Variants in PDE11A observed in about 807,000 individuals in gnomAD.
The protein encoded by PDE11A is phosphodiesterase 11A, also known as dual 3',5'-cyclic-AMP and -GMP phosphodiesterase 11A.
Under a neutral mutation model 100.5 loss-of-function variants are expected in PDE11A, and 100 were observed. The observed-to-expected ratio is 1.00, with a 90% CI of 0.85 to 1.18. The LOEUF (loss-of-function observed/expected upper bound fraction) is 1.18, where lower values mean the gene tolerates loss of function less well. Ranked by LOEUF, PDE11A falls within the 50% of genes most tolerant of loss-of-function variation. The pLI, the probability that PDE11A is intolerant of heterozygous loss-of-function variation, is 0.00. For synonymous variants in PDE11A, 381 were observed against 420.8 expected, an observed-to-expected ratio of 0.91 and a Z score of 1.16; for missense variants, 1,141 against 1,152.6, an observed-to-expected ratio of 0.99 and a Z score of 0.15.
intron 2 of PDE11A, among the ~76,000 whole-genome samples, chr2:178,079,136 C>T (rs1295664788): frequency 2.0e-5 from 3 of 152,156 alleles, no homozygotes; most frequent in Non-Finnish European, 4.4e-5. Flanking sequence ...AAAAATTCAA[C>T]AACAGATTCT....
chr2:177,887,233 C>T (rs1427423719), intron 4 of PDE11A, among the ~76,000 whole-genome samples: 4 of 152,112 alleles, frequency 2.6e-5, no homozygotes, highest in African/African-American at 4.8e-5. Flanking sequence ...CAGCTGCAAT[C>T]CCAAATTCAA....
At chr2:177,908,223 A>G (rs1459805463) in intron 2 of PDE11A, among the ~76,000 whole-genome samples, 2 of 152,238 alleles carry the variant, frequency 1.3e-5, no homozygotes, top group Non-Finnish European at 2.9e-5. Flanking sequence ...CTAGCACTCC[A>G]TTATTCCAGT....
chr2:177,958,892 T>A (rs2085597643), intron 2 of PDE11A, among the ~76,000 whole-genome samples: 1 of 152,192 alleles, frequency 6.6e-6, no homozygotes, highest in Non-Finnish European at 1.5e-5. Flanking sequence ...ATTGACTAAT[T>A]GAACAAAATT....
chr2:178,051,727 AAC>A (rs908197477), intron 1 of PDE11A, among the ~76,000 whole-genome samples: 17 of 152,216 alleles, frequency 1.1e-4, no homozygotes, highest in Non-Finnish European at 2.1e-4. Context: ...TCTCTGATAA[AAC>A]AGACTTTAAA....
chr2:177,716,846 AT>A (rs2081444734), intron 12 of PDE11A, among the ~76,000 whole-genome samples: 2 of 152,216 alleles, frequency 1.3e-5, no homozygotes, highest in African/African-American at 4.8e-5. Context: ...ATCAAATGCC[AT>A]CTAATAGATT....
chr2:178,064,942 T>C (rs1398674705), intron 1 of PDE11A, among the ~76,000 whole-genome samples: 1 of 152,122 alleles, frequency 6.6e-6, no homozygotes, highest in Non-Finnish European at 1.5e-5. Context: ...CATTAATATA[T>C]GAAACCACTG....
At chr2:178,055,864 C>T (rs569867328) in intron 1 of PDE11A, among the ~76,000 whole-genome samples, 3 of 151,960 alleles carry the variant, frequency 2.0e-5, no homozygotes, top group South Asian at 4.2e-4. Flanking sequence ...GAAATGCATT[C>T]GTAATAAATG....
rs139916716 is a variant in PDE11A at position 177,711,834 on chromosome 2, C to T, written c.2088G>A (p.Ala696=). The change falls in exon 13 of 20, where the codon GCG becomes GCA. Residue 696 remains alanine, a synonymous_variant. Coordinates refer to ENST00000286063, the MANE Select transcript of PDE11A (RefSeq NM_016953.4). ...QDILTEVEIL[A]VIVGCLCHDL... ...CATGACACAGGCATCCCACAATCAC[C>T]GCTAAAATTTCCACCTCGGTCAGAA... 1.1e-4 allele frequency: 171 copies of T among 1,613,128 alleles called. 1 individual carries two copies. The highest frequency in any genetic ancestry group is 2.1e-4 in the South Asian group (19 of 91,056).
rs1192686336 is a variant in PDE11A, at chr2:177,658,985, A to G, written c.2646+4881T>C. Reference sequence around the variant, plus strand: ...TTAAAAGTGAAGGCAGAGGCTGGGCATGGTGGCTCACACCTATAATCCCAG... The same window carrying G: ...TTAAAAGTGAAGGCAGAGGCTGGGCGTGGTGGCTCACACCTATAATCCCAG... On this transcript the variant is annotated intron_variant, in intron 19 of 19. Transcript: ENST00000286063. Among the ~76,000 whole-genome samples, 6 of 152,162 alleles carry G rather than the reference A, an allele frequency of 3.9e-5. No individual in the cohort carries two copies. The East Asian group carries it at 1.2e-3, about 29-fold the overall frequency.
At chr2:177,824,082 C>G (rs1449034667) in intron 6 of PDE11A, among the ~76,000 whole-genome samples, 1 of 152,068 alleles carries the variant, frequency 6.6e-6, no homozygotes, top group Non-Finnish European at 1.5e-5. Context: ...TAAAGTACTA[C>G]AGTTCCCCAA....
Position 178,072,027 on chromosome 2 carries a change from G to A in PDE11A, c.411C>T (p.Tyr137=). 7 of 1,613,700 alleles carry A rather than the reference G, an allele frequency of 4.3e-6. No homozygotes were observed. The highest frequency in any genetic ancestry group is 5.9e-6 in the Non-Finnish European group (7 of 1,179,640). ...GAGCCCGGGAGGTCACCTGTTCATC[G>A]TAGGTCCTGTTCACGTGGATGGCCT... ...RSKAIHVNRT[Y]DEQVTSRAQE... is the part of the protein sequence containing the mutation. The change falls in exon 1 of 20, where the codon TAC becomes TAT. Residue 137 remains tyrosine (Y), a synonymous_variant. Transcript: ENST00000286063.
At chr2:178,065,238 C>A (rs1404038970) in intron 1 of PDE11A, among the ~76,000 whole-genome samples, 1 of 152,080 alleles carries the variant, frequency 6.6e-6, no homozygotes, top group Non-Finnish European at 1.5e-5. Context: ...ACCTCAAGGA[C>A]CTTGTTGACT....
At chr2:177,956,130 G>A (rs1034283142) in intron 2 of PDE11A, among the ~76,000 whole-genome samples, 17 of 152,050 alleles carry the variant, frequency 1.1e-4, no homozygotes, top group East Asian at 3.9e-4. Context: ...GCAACCTACA[G>A]AATGGGAGAA....
At chr2:178,083,401 T>C (rs1012710523) in intron 2 of PDE11A, among the ~76,000 whole-genome samples, 4 of 152,146 alleles carry the variant, frequency 2.6e-5, no homozygotes, top group Non-Finnish European at 4.4e-5. Flanking sequence ...GCCCAGCCAG[T>C]AGAACTAAAT....
At chr2:177,837,079 A>T (rs1358560792) in intron 6 of PDE11A, among the ~76,000 whole-genome samples, 3 of 152,238 alleles carry the variant, frequency 2.0e-5, no homozygotes, top group East Asian at 3.8e-4. Context: ...TTCTTTTACC[A>T]GTTGGACTTT....
chr2:177,939,352 G>A lies in PDE11A; in HGVS notation c.1072-34165C>T, dbSNP rs190803138. Reference sequence around the variant, plus strand: ...AAGAAAGGAAGGAAGGAGGGAGGGCGGAAGGAGGGAGAGAGTGAGGAAGGG... The same window carrying A: ...AAGAAAGGAAGGAAGGAGGGAGGGCAGAAGGAGGGAGAGAGTGAGGAAGGG... On this transcript the variant is annotated intron_variant, in intron 2 of 19. Coordinates refer to ENST00000286063, the MANE Select transcript of PDE11A (RefSeq NM_016953.4). Among the ~76,000 whole-genome samples the A allele has an allele frequency of 5.7e-4, 85 of 148,850 alleles. 2 individuals carry two copies. The highest frequency in any genetic ancestry group is 3.6e-3 in the Middle Eastern group (1 of 278).
In PDE11A at chr2:177,846,453, C is replaced by T. The variant is rs545941982; in HGVS notation, c.1368-6070G>A. Among the ~76,000 whole-genome samples, 11 of 152,232 alleles carry T rather than the reference C, an allele frequency of 7.2e-5. No individual in the cohort carries two copies. The East Asian group carries it at 2.1e-3, about 29-fold the overall frequency. Reference sequence around the variant, plus strand: ...GTGAGTTTAATCACAAAGGAAAGGGCCCAAATTATTTCTGCTTTTGGAAGG... The same window carrying T: ...GTGAGTTTAATCACAAAGGAAAGGGTCCAAATTATTTCTGCTTTTGGAAGG... On this transcript the variant is annotated intron_variant, in intron 5 of 19. Coordinates refer to ENST00000286063, the MANE Select transcript of PDE11A (RefSeq NM_016953.4).
At chr2:177,960,623 C>A (rs980592677) in intron 2 of PDE11A, among the ~76,000 whole-genome samples, 17 of 151,416 alleles carry the variant, frequency 1.1e-4, no homozygotes, top group Non-Finnish European at 8.8e-5. Flanking sequence ...TTTCCATAGT[C>A]TTATATAATT....
At chr2:177,947,025 C>G (rs1161600033) in intron 2 of PDE11A, among the ~76,000 whole-genome samples, 1 of 126,148 alleles carries the variant, frequency 7.9e-6, no homozygotes, top group Admixed American at 7.4e-5. Flanking sequence ...GGGGGTCAGC[C>G]CCCCGCCCGG....
Sources: gnomAD v4.1 joint callset for allele counts (sites outside exome capture counted in the v4.1 genomes callset) on GRCh38, gnomAD v4.1.1 for gene constraint, MANE v1.5 for transcripts, NCBI Gene and HGNC (gene_info 2026-07-23, HGNC 2026-07-21) for gene names.